The following ZNF782 variants were observed in gnomAD, a reference collection of about 807,000 sequenced individuals.
ZNF782 encodes the protein zinc finger protein 782.
Under a neutral mutation model 13.0 loss-of-function variants are expected in ZNF782, and 12 were observed. The observed-to-expected ratio is 0.92, with a 90% CI of 0.59 to 1.50. ZNF782 has a LOEUF of 1.50. Ranked by LOEUF, ZNF782 falls within the 40% of genes most tolerant of loss-of-function variation. ZNF782 has a pLI of 0.00. For synonymous variants in ZNF782, 284 were observed against 283.0 expected, an observed-to-expected ratio of 1.00 and a Z score of -0.04; for missense variants, 770 against 822.9, an observed-to-expected ratio of 0.94 and a Z score of 0.79.
chr9:96,912,020 G>A, the ZNF782 span, among the ~76,000 whole-genome samples: 3 of 150,562 alleles, frequency 2.0e-5, no homozygotes, highest in Non-Finnish European at 3.0e-5. Flanking sequence ...ACCAACATGG[G>A]GAAACCCTAT....
intron 1 of ZNF782, among the ~76,000 whole-genome samples, chr9:96,869,535 G>T (rs1851799973): frequency 6.6e-6 from 1 of 152,192 alleles, no homozygotes; most frequent in African/African-American, 2.4e-5. Flanking sequence ...CCTGCACTTA[G>T]ACTGTATAAG....
upstream of ZNF782, among the ~76,000 whole-genome samples, chr9:96,854,910 A>C (rs1851618741): frequency 6.8e-6 from 1 of 147,016 alleles, no homozygotes. Flanking sequence ...ATTTTGTAGA[A>C]ATTTTTTTTT....
At chr9:96,933,195 C>T in the ZNF782 span, among the ~76,000 whole-genome samples, 2 of 147,934 alleles carry the variant, frequency 1.4e-5, no homozygotes, top group African/African-American at 5.0e-5. Context: ...AGCCAGGATG[C>T]TCTCAATCTC....
chr9:96,927,153 CAT>C, the ZNF782 span, among the ~76,000 whole-genome samples: 7 of 152,282 alleles, frequency 4.6e-5, no homozygotes, highest in East Asian at 1.9e-4. Flanking sequence ...CTGAGAACCA[CAT>C]GTGATGACAC....
At chr9:96,876,517 C>G (rs1851893759), upstream of ZNF782, among the ~76,000 whole-genome samples, 1 of 152,104 alleles carries the variant, frequency 6.6e-6, no homozygotes, top group African/African-American at 2.4e-5. Flanking sequence ...CTTTTCAACT[C>G]AAAGCAGCCC....
upstream of ZNF782, among the ~76,000 whole-genome samples, chr9:96,857,248 GA>G (rs1249494028): frequency 2.0e-5 from 3 of 152,148 alleles, no homozygotes; most frequent in African/African-American, 4.8e-5. Context: ...GTGTGAAGGT[GA>G]CAACACTGCC....
At chr9:96,896,754 C>T in the ZNF782 span, among the ~76,000 whole-genome samples, 1 of 152,226 alleles carries the variant, frequency 6.6e-6, no homozygotes, top group Non-Finnish European at 1.5e-5. Flanking sequence ...GGCTGCTGTG[C>T]AAGCTGCTCT....
the ZNF782 span, among the ~76,000 whole-genome samples, chr9:96,930,871 G>GTTTTTTTTTT: frequency 1.9e-5 from 2 of 104,404 alleles, no homozygotes; most frequent in African/African-American, 7.5e-5. Context: ...TCCATCCAGT[G>GTTTTTTTTTT]GTTTTTTTTT....
the ZNF782 span, among the ~76,000 whole-genome samples, chr9:96,886,533 G>C: frequency 2.6e-4 from 40 of 152,244 alleles, no homozygotes; most frequent in African/African-American, 9.1e-4. Context: ...ACTAGAATTG[G>C]TTAAACATCA....
intron 1 of ZNF782, among the ~76,000 whole-genome samples, chr9:96,853,461 C>A (rs79147622): frequency 1.3e-5 from 2 of 152,184 alleles, no homozygotes; most frequent in African/African-American, 4.8e-5. Context: ...CTCGCAAGGG[C>A]TGCTCTGTTC....
chr9:96,828,257 G>T (rs536610444), intron 4 of ZNF782, among the ~76,000 whole-genome samples: 1 of 152,114 alleles, frequency 6.6e-6, no homozygotes, highest in African/African-American at 2.4e-5. Flanking sequence ...TAACCAGAAC[G>T]GTACTGCTTT....
chr9:96,916,479 ACTCTGT>A, the ZNF782 span, among the ~76,000 whole-genome samples: 8 of 151,072 alleles, frequency 5.3e-5, no homozygotes, highest in Admixed American at 4.0e-4. Flanking sequence ...GCAGAGTAAG[ACTCTGT>A]CTCTGGGAAA....
At chr9:96,842,468 A>G (rs1197588641) in intron 4 of ZNF782, among the ~76,000 whole-genome samples, 2 of 152,048 alleles carry the variant, frequency 1.3e-5, no homozygotes, top group East Asian at 3.9e-4. Flanking sequence ...TGAAAAAGCT[A>G]TTCAATGAAG....
upstream of ZNF782, among the ~76,000 whole-genome samples, chr9:96,857,126 G>C (rs988324747): frequency 6.6e-6 from 1 of 152,214 alleles, no homozygotes; most frequent in African/African-American, 2.4e-5. Flanking sequence ...TACTTGTAAA[G>C]TTCCCATCTG....
chr9:96,875,700 T>TC (rs1851884380), upstream of ZNF782: 1 of 422,108 alleles, frequency 2.4e-6, no homozygotes, highest in Non-Finnish European at 4.7e-6. Context: ...GATCCTGGGG[T>TC]CCCCCCGGGC....
intron 1 of ZNF782, among the ~76,000 whole-genome samples, chr9:96,869,940 A>C (rs1412705733): frequency 4.6e-5 from 7 of 152,226 alleles, no homozygotes; most frequent in African/African-American, 1.7e-4. Context: ...CATTATGTTT[A>C]AGGAACAAGT....
rs1850190927 is a variant in ZNF782, at chr9:96,816,939, T to C, written c.*984A>G. The C allele has an allele frequency of 6.6e-6, 1 of 152,204 alleles. No homozygotes were observed. Among genetic ancestry groups the C allele is most frequent in the African/African-American group, 2.4e-5 (1 of 41,454 alleles). The allele number at this position is 152,204 out of a possible 1,614,324, so 9.4% of individuals were successfully genotyped here. On this transcript the variant is annotated 3_prime_UTR_variant, in exon 6 of 6. Coordinates refer to ENST00000481138, the MANE Select transcript of ZNF782 (RefSeq NM_001001662.3). ...TGAAAAATCATACTCCTAAGTTTTA[T>C]TATGTGAGGGTTGTTGAGTTTCTGT...
chr9:96,871,246 C>A (rs1387738745), intron 1 of ZNF782, among the ~76,000 whole-genome samples: 1 of 151,646 alleles, frequency 6.6e-6, no homozygotes, highest in Non-Finnish European at 1.5e-5. Flanking sequence ...AGGCTATAAA[C>A]CTTTACAAAA....
chr9:96,918,114 A>C, the ZNF782 span, among the ~76,000 whole-genome samples: 1 of 151,204 alleles, frequency 6.6e-6, no homozygotes, highest in Non-Finnish European at 1.5e-5. Flanking sequence ...GAAAATGCTC[A>C]CTATAGGCCA....
Sources: gnomAD v4.1 joint callset for allele counts (sites outside exome capture counted in the v4.1 genomes callset) on GRCh38, gnomAD v4.1.1 for gene constraint, MANE v1.5 for transcripts, NCBI Gene and HGNC (gene_info 2026-07-23, HGNC 2026-07-21) for gene names.